IL17D: variants seen among roughly 807,000 people sequenced by gnomAD.
The protein encoded by IL17D is interleukin 17D, also known as interleukin-17D.
Under a neutral mutation model 5.7 loss-of-function variants are expected in IL17D, and 10 were observed. The observed-to-expected ratio is 1.75, with a 90% CI of 1.08 to 2.97. IL17D has a LOEUF of 2.97. IL17D is among the 30% of genes most tolerant of loss of function. The pLI is 0.00. For synonymous variants in IL17D, 172 were observed against 141.7 expected (o/e 1.21, Z -1.52); for missense variants, 354 against 292.7 (o/e 1.21, Z -1.53).
chr13:20,721,681 C>T lies in IL17D; in HGVS notation c.336C>T (p.Ala112=), dbSNP rs2058736489. 1.2e-6 allele frequency: 2 copies of T among 1,610,782 alleles called. No individual in the cohort carries two copies. Among genetic ancestry groups the T allele is most frequent in the Non-Finnish European group, 8.5e-7 (1 of 1,178,896 alleles). ...PARYPRYLPE[A]YCLCRGCLTG... is the part of the protein sequence containing the mutation. ...GGTACCCCAGGTACCTGCCTGAAGC[C>T]TACTGCCTGTGCCGGGGCTGCCTGA... The change falls in exon 2 of 2, where the codon GCC becomes GCT. Residue 112 remains alanine (A), a synonymous_variant. Coordinates refer to ENST00000682841, the MANE Select transcript of IL17D (RefSeq NM_001385224.1).
At chr13:20,713,603 AG>A (rs1478888180) in intron 1 of IL17D, 1 of 152,194 alleles carries the variant, frequency 6.6e-6, no homozygotes, top group Non-Finnish European at 1.5e-5. Flanking sequence ...GTTTTACTTT[AG>A]CATTCTTAGA....
chr13:20,703,306 ATGT>A, upstream of IL17D: 1 of 986,524 alleles, frequency 1.0e-6, no homozygotes, highest in African/African-American at 1.7e-5. Context: ...GGGGGAGAAG[ATGT>A]TGGGGGCACT....
At chr13:20,708,249 T>G (rs909636346) in intron 1 of IL17D, among the ~76,000 whole-genome samples, 8 of 152,060 alleles carry the variant, frequency 5.3e-5, no homozygotes, top group Non-Finnish European at 1.0e-4. Context: ...GAAAGACAGA[T>G]AGGGAGATGG....
intron 1 of IL17D, among the ~76,000 whole-genome samples, chr13:20,718,278 G>A (rs560377961): frequency 1.3e-5 from 2 of 152,202 alleles, no homozygotes; most frequent in Admixed American, 1.3e-4. Flanking sequence ...TGCACCTCTC[G>A]AATAGCTCAC....
chr13:20,711,363 C>T (rs915352098), intron 1 of IL17D, among the ~76,000 whole-genome samples: 1 of 151,472 alleles, frequency 6.6e-6, no homozygotes, highest in South Asian at 2.1e-4. Flanking sequence ...AGTCGTCCCA[C>T]GCTGGAAGGT....
chr13:20,718,480 A>T (rs571779645), intron 1 of IL17D, among the ~76,000 whole-genome samples: 1 of 140,314 alleles, frequency 7.1e-6, no homozygotes, highest in South Asian at 2.3e-4. Context: ...GCCCACGCTC[A>T]CACCTGCCCC....
chr13:20,703,922 G>C lies in IL17D; in HGVS notation c.-80G>C. On this transcript the variant is annotated 5_prime_UTR_variant, in exon 1 of 2. Coordinates refer to ENST00000682841, the MANE Select transcript of IL17D (RefSeq NM_001385224.1). ...GGCGCCCGCCGGCTCCGGGCGCCGCGGGCGGGACACGGGCGCGGGGCGCAG... is the reference window on the plus strand; with the variant it reads ...GGCGCCCGCCGGCTCCGGGCGCCGCCGGCGGGACACGGGCGCGGGGCGCAG... 1.2e-6 allele frequency: 1 copy of C among 833,096 alleles called. No homozygotes were observed. The highest frequency in any genetic ancestry group is 1.4e-6 in the Non-Finnish European group (1 of 691,424). 51.6% of individuals were successfully genotyped at this position (833,096 alleles called of 1,614,324 possible). A position where few individuals can be genotyped will look rare whatever the true frequency, so the allele number is the denominator to read the frequency against.
chr13:20,712,935 TCCTCCCTCCCTTCTTTCCTTCCTCTCTC>T (rs910278254), intron 1 of IL17D: 4 of 151,998 alleles, frequency 2.6e-5, no homozygotes, highest in Admixed American at 6.6e-5. Flanking sequence ...TTTCCTTCCT[TCCTCCCTCCCTTCTTTCCTTCCTCTCTC>T]CCTCCCTCCC....
chr13:20,718,919 C>A (rs1384700262), intron 1 of IL17D, among the ~76,000 whole-genome samples: 3 of 145,530 alleles, frequency 2.1e-5, no homozygotes, highest in Non-Finnish European at 3.0e-5. Context: ...TGCTCACACA[C>A]CAACACACAC....
intron 1 of IL17D, among the ~76,000 whole-genome samples, chr13:20,714,466 T>A (rs1048333874): frequency 3.3e-5 from 5 of 152,190 alleles, no homozygotes; most frequent in Non-Finnish European, 7.3e-5. Context: ...TTTGGACAAG[T>A]CCGCTACTCT....
At chr13:20,720,157 C>CCAT in intron 1 of IL17D, among the ~76,000 whole-genome samples, 1 of 152,298 alleles carries the variant, frequency 6.6e-6, no homozygotes, top group Non-Finnish European at 1.5e-5. Context: ...CCAGTCTCCA[C>CCAT]CATCAGCCTT....
At chr13:20,702,593 G>GTA (rs2058553657), upstream of IL17D, 1 of 152,232 alleles carries the variant, frequency 6.6e-6, no homozygotes, top group Non-Finnish European at 1.5e-5. Flanking sequence ...GTGTTATGAA[G>GTA]TATATAATAT....
rs1454411893 is a variant in IL17D, at chr13:20,704,145, C to T, written c.144C>T (p.Ala48=). ...LLEQLYGRLA[A]GVLSAFHHTL... ...AGCAGCTGTACGGGCGCCTGGCGGCCGGCGTGCTCAGTGCCTTCCACCACA... is the reference window on the plus strand; with the variant it reads ...AGCAGCTGTACGGGCGCCTGGCGGCTGGCGTGCTCAGTGCCTTCCACCACA... The change falls in exon 1 of 2, where the codon GCC becomes GCT. Residue 48 remains alanine, a synonymous_variant. Transcript: ENST00000682841. 7 of 1,347,804 alleles carry T rather than the reference C, an allele frequency of 5.2e-6. No individual in the cohort carries two copies. The highest frequency in any genetic ancestry group is 6.7e-6 in the Non-Finnish European group (7 of 1,040,414). The allele number at this position is 1,347,804 out of a possible 1,614,324, so 83.5% of individuals were successfully genotyped here.
At chr13:20,706,155 C>G (rs1428145367) in intron 1 of IL17D, among the ~76,000 whole-genome samples, 1 of 152,198 alleles carries the variant, frequency 6.6e-6, no homozygotes, top group Non-Finnish European at 1.5e-5. Context: ...TGGGACCCCT[C>G]CCGCCCTTCT....
intron 1 of IL17D, among the ~76,000 whole-genome samples, chr13:20,715,448 C>T (rs2058671826): frequency 6.6e-6 from 1 of 152,162 alleles, no homozygotes; most frequent in Non-Finnish European, 1.5e-5. Flanking sequence ...ATGCAATCAT[C>T]CAGTTGTTTG....
In IL17D at chr13:20,703,924, G is replaced by A; in HGVS notation, c.-78G>A. 1.2e-6 allele frequency: 1 copy of A among 843,842 alleles called. No homozygotes were observed. The highest frequency in any genetic ancestry group is 1.4e-6 in the Non-Finnish European group (1 of 701,186). 52.3% of individuals were successfully genotyped at this position (843,842 alleles called of 1,614,324 possible). A position where few individuals can be genotyped will look rare whatever the true frequency, so the allele number is the denominator to read the frequency against. On this transcript the variant is annotated 5_prime_UTR_variant, in exon 1 of 2. Transcript: ENST00000682841. Reference sequence around the variant, plus strand: ...CGCCCGCCGGCTCCGGGCGCCGCGGGCGGGACACGGGCGCGGGGCGCAGGC... The same window carrying A: ...CGCCCGCCGGCTCCGGGCGCCGCGGACGGGACACGGGCGCGGGGCGCAGGC...
At chr13:20,706,167 A>C (rs2058590813) in intron 1 of IL17D, among the ~76,000 whole-genome samples, 1 of 151,470 alleles carries the variant, frequency 6.6e-6, no homozygotes, top group Non-Finnish European at 1.5e-5. Context: ...CGCCCTTCTC[A>C]CTCCTGTCCT....
chr13:20,712,249 G>T (rs2058644217), intron 1 of IL17D, among the ~76,000 whole-genome samples: 1 of 152,180 alleles, frequency 6.6e-6, no homozygotes, highest in Admixed American at 6.5e-5. Flanking sequence ...GAAAGATTAG[G>T]AGTATAATGT....
chr13:20,714,058 C>T (rs1162628509), intron 1 of IL17D: 1 of 152,228 alleles, frequency 6.6e-6, no homozygotes, highest in Non-Finnish European at 1.5e-5. Context: ...TAAGCCACCC[C>T]GTGGGCATGA....
Sources: allele counts gnomAD v4.1 joint callset (sites outside exome capture counted in the v4.1 genomes callset), GRCh38; gene constraint gnomAD v4.1.1; transcripts MANE v1.5; gene names NCBI Gene and HGNC (gene_info 2026-07-23, HGNC 2026-07-21).